Variants in FKBP5 observed in about 807,000 individuals in gnomAD.
FKBP5 encodes the protein peptidyl-prolyl cis-trans isomerase FKBP5.
FKBP5 carries 23 observed loss-of-function variants against 50.5 expected under a neutral mutation model. The ratio of observed to expected loss-of-function variants is 0.46; its 90% CI spans 0.33 to 0.65. FKBP5 has a LOEUF of 0.65. Among genes scored for constraint, FKBP5 ranks in the 30% least tolerant of loss-of-function variants. The probability of loss-of-function intolerance (pLI) is 0.02; values close to 1 mark genes in which losing one functional copy is unlikely to be tolerated. For synonymous variants in FKBP5, 176 were observed against 190.6 expected (o/e 0.92, Z 0.63); for missense variants, 411 against 553.1 (o/e 0.74, Z 2.58).
intron 6 of FKBP5, among the ~76,000 whole-genome samples, chr6:35,593,496 C>T (rs1448614414): frequency 6.6e-6 from 1 of 152,148 alleles, no homozygotes; most frequent in East Asian, 1.9e-4. Flanking sequence ...CCCAGAAAAT[C>T]AGGTTTTTTG....
chr6:35,583,391 AAAC>A (rs1162055849), intron 8 of FKBP5: 1 of 985,358 alleles, frequency 1.0e-6, no homozygotes, highest in Non-Finnish European at 1.2e-6. Context: ...TGGTAAAACA[AAAC>A]AAAACACAAA....
Position 35,591,111 on chromosome 6 carries a change from G to A in FKBP5, c.756+19C>T, listed in dbSNP as rs578032034. On this transcript the variant is annotated intron_variant, in intron 7 of 10. Coordinates refer to ENST00000357266, the MANE Select transcript of FKBP5 (RefSeq NM_004117.4). ...AGAAGAAACCTACCATAATTTTAAG[G>A]AAGTTGGTATTTTCTCACCTTTTCG... The A allele has an allele frequency of 2.2e-5, 34 of 1,531,526 alleles. 1 individual carries two copies. The South Asian group carries it at 3.6e-4, about 16-fold the overall frequency. 94.9% of individuals were successfully genotyped at this position (1,531,526 alleles called of 1,614,324 possible).
Position 35,575,170 on chromosome 6 carries a change from G to C in FKBP5, c.*665C>G, listed in dbSNP as rs1762173896. The C allele has an allele frequency of 6.6e-6, 1 of 152,286 alleles. No homozygotes were observed. The highest frequency in any genetic ancestry group is 2.4e-5 in the African/African-American group (1 of 41,448). The allele number at this position is 152,286 out of a possible 1,614,324, so 9.4% of individuals were successfully genotyped here. ...AATTACTCCCCCAGGGACAGGCTGT[G>C]TGTGGTAGAAAGCCACTCTCACAAG... is the stretch of plus-strand genomic sequence containing the variant. On this transcript the variant is annotated 3_prime_UTR_variant, in exon 11 of 11. Transcript: ENST00000357266.
intron 2 of FKBP5, among the ~76,000 whole-genome samples, chr6:35,700,263 C>T (rs745655192): frequency 1.3e-5 from 2 of 151,994 alleles, no homozygotes; most frequent in Admixed American, 1.3e-4. Flanking sequence ...TGGGTTCAAG[C>T]GATTCTCCTG....
intron 5 of FKBP5, among the ~76,000 whole-genome samples, chr6:35,604,064 G>A (rs1763233010): frequency 6.6e-6 from 1 of 151,664 alleles, no homozygotes; most frequent in Non-Finnish European, 1.5e-5. Context: ...CTGGAGTGCA[G>A]TGGTGTGATC....
intron 3 of FKBP5, among the ~76,000 whole-genome samples, chr6:35,620,563 TAA>T (rs564725729): frequency 2.1e-4 from 26 of 122,588 alleles, no homozygotes; most frequent in Admixed American, 2.5e-4. Context: ...ACCTCATCTC[TAA>T]AAAAAAAAAA....
chr6:35,585,627 T>C lies in FKBP5; in HGVS notation c.840+1407A>G, dbSNP rs1171116515. 1.6e-5 allele frequency: 15 copies of C among 952,328 alleles called. No homozygotes were observed. In the South Asian group the frequency reaches 6.3e-4, roughly 40 times the overall value. 59.0% of individuals were successfully genotyped at this position (952,328 alleles called of 1,614,324 possible). ...ATCCATAAGAGTTTAGTATACATAGTAAATAATGATAAATAACATATTTAT... is the reference window on the plus strand; with the variant it reads ...ATCCATAAGAGTTTAGTATACATAGCAAATAATGATAAATAACATATTTAT... On this transcript the variant is annotated intron_variant, in intron 8 of 10. Transcript: ENST00000357266.
chr6:35,652,450 GA>G (rs1228060592), intron 1 of FKBP5, among the ~76,000 whole-genome samples: 2 of 152,352 alleles, frequency 1.3e-5, no homozygotes, highest in African/African-American at 4.8e-5. Flanking sequence ...AAGTCCCTGA[GA>G]AAGAGAATGC....
chr6:35,604,940 A>T (rs1763262715), intron 5 of FKBP5, among the ~76,000 whole-genome samples: 1 of 151,920 alleles, frequency 6.6e-6, no homozygotes, highest in African/African-American at 2.4e-5. Context: ...GCCCGCCACC[A>T]TGCCCAGCTA....
intron 8 of FKBP5, chr6:35,584,776 T>A (rs1762551353): frequency 1.0e-6 from 1 of 985,374 alleles, no homozygotes; most frequent in Non-Finnish European, 1.2e-6. Context: ...TTTTGAAAAA[T>A]TTTGCCTATC....
intron 1 of FKBP5, among the ~76,000 whole-genome samples, chr6:35,646,362 A>T (rs1764630458): frequency 6.6e-6 from 1 of 152,208 alleles, no homozygotes; most frequent in Non-Finnish European, 1.5e-5. Flanking sequence ...ATATGAAGAG[A>T]AGTACTATGA....
chr6:35,589,110 T>TTA (rs1169766848), intron 7 of FKBP5, among the ~76,000 whole-genome samples: 4,349 of 102,804 alleles, frequency 0.042, 159 homozygotes, highest in Non-Finnish European at 0.06. Flanking sequence ...ATATATATTT[T>TTA]TATATATATA....
chr6:35,626,795 T>C (rs1044960499), intron 3 of FKBP5, among the ~76,000 whole-genome samples: 7 of 152,220 alleles, frequency 4.6e-5, no homozygotes, highest in African/African-American at 1.7e-4. Context: ...TTCGTCCATG[T>C]TGTAGCATCT....
chr6:35,603,761 T>C (rs190731519), intron 5 of FKBP5, among the ~76,000 whole-genome samples: 2 of 152,176 alleles, frequency 1.3e-5, no homozygotes, highest in African/African-American at 4.8e-5. Context: ...TGATCTTGCC[T>C]CACTACAACC....
rs75477235 is a variant in FKBP5, at chr6:35,673,447, G to A, written c.-20+15357C>T. ...CACCTTTAGTCCCAACTACTTGGGA[G>A]GCTGAGGTGGGAAGAACGCTTGAGC... On this transcript the variant is annotated intron_variant, in intron 1 of 10. Transcript: ENST00000357266. 5.6e-3 allele frequency among the ~76,000 whole-genome samples: 851 copies of A among 152,152 alleles called. 6 individuals are homozygous for A. Among genetic ancestry groups the A allele is most frequent in the Non-Finnish European group, 8.5e-3 (578 of 68,010 alleles).
chr6:35,723,253 A>G (rs1447132712), intron 1 of FKBP5, among the ~76,000 whole-genome samples: 2 of 151,944 alleles, frequency 1.3e-5, no homozygotes, highest in African/African-American at 4.8e-5. Context: ...TAAATAAAAT[A>G]AAATAAAAAT....
intron 5 of FKBP5, among the ~76,000 whole-genome samples, chr6:35,608,661 T>C (rs1163708131): frequency 6.6e-6 from 1 of 152,186 alleles, no homozygotes; most frequent in East Asian, 1.9e-4. Flanking sequence ...CATGCCAGCC[T>C]GGGCAACAGA....
In FKBP5 at chr6:35,710,848, A is replaced by C. The variant is rs74370322; in HGVS notation, c.-20+9480T>G. ...ACTACTTAATATGTGCAAAAACACG[A>C]ACAAATCTTATAAACATTAAGTTGA... is the stretch of plus-strand genomic sequence containing the variant. On this transcript the variant is annotated intron_variant, in intron 2 of 11. Transcript: ENST00000536438. Among the ~76,000 whole-genome samples the C allele has an allele frequency of 3.4e-3, 521 of 152,356 alleles. 2 individuals carry two copies. Among genetic ancestry groups the C allele is most frequent in the African/African-American group, 0.012 (503 of 41,582 alleles).
chr6:35,610,965 T>C (rs965017467), intron 5 of FKBP5, among the ~76,000 whole-genome samples: 1 of 152,200 alleles, frequency 6.6e-6, no homozygotes, highest in Non-Finnish European at 1.5e-5. Context: ...CTGGCCCCGC[T>C]GTTCCATCTT....
Sources: gnomAD v4.1 joint callset for allele counts (sites outside exome capture counted in the v4.1 genomes callset) on GRCh38, gnomAD v4.1.1 for gene constraint, MANE v1.5 for transcripts, NCBI Gene and HGNC (gene_info 2026-07-23, HGNC 2026-07-21) for gene names.